The following SCN7A variants were observed in gnomAD, a reference collection of about 807,000 sequenced individuals.
SCN7A encodes sodium voltage-gated channel alpha subunit 7.
SCN7A carries 138 observed loss-of-function variants against 155.2 expected under a neutral mutation model. The observed-to-expected ratio is 0.89, with a 90% CI of 0.77 to 1.02. The LOEUF is 1.02. Ranked by LOEUF, SCN7A falls within the 50% of genes least tolerant of loss-of-function variation. SCN7A has a pLI of 0.00. For synonymous variants in SCN7A, 693 were observed against 649.0 expected (o/e 1.07, Z -1.03); for missense variants, 2,058 against 1,986.6 (o/e 1.04, Z -0.68).
At chr2:166,413,386 ATAAT>A (rs1388593439) in intron 21 of SCN7A, among the ~76,000 whole-genome samples, 2 of 152,120 alleles carry the variant, frequency 1.3e-5, no homozygotes, top group African/African-American at 4.8e-5. Context: ...TAAATGGTAA[ATAAT>A]TACATGCGGC....
At chr2:166,464,091 A>G (rs1239342194) in intron 9 of SCN7A, among the ~76,000 whole-genome samples, 1 of 151,734 alleles carries the variant, frequency 6.6e-6, no homozygotes, top group Non-Finnish European at 1.5e-5. Context: ...ACATATATAT[A>G]TGTATATATA....
At chr2:166,475,104 G>GTATATATA (rs370064873) in intron 3 of SCN7A, among the ~76,000 whole-genome samples, 27 of 85,970 alleles carry the variant, frequency 3.1e-4, no homozygotes, top group Admixed American at 7.8e-4. Context: ...ACATATATAT[G>GTATATATA]TATATATATA....
At chr2:166,459,385 A>C (rs540292021) in intron 10 of SCN7A, among the ~76,000 whole-genome samples, 2 of 152,296 alleles carry the variant, frequency 1.3e-5, no homozygotes, top group African/African-American at 4.8e-5. Context: ...AACATTATAC[A>C]CAAAGATCTT....
chr2:166,484,138 C>A (rs1702992457), intron 2 of SCN7A, among the ~76,000 whole-genome samples: 1 of 151,868 alleles, frequency 6.6e-6, no homozygotes, highest in Non-Finnish European at 1.5e-5. Context: ...ATAATGGGTT[C>A]TCACAGTGAA....
At chr2:166,442,581 C>G (rs1430799349) in intron 14 of SCN7A, among the ~76,000 whole-genome samples, 1 of 151,842 alleles carries the variant, frequency 6.6e-6, no homozygotes, top group Non-Finnish European at 1.5e-5. Flanking sequence ...GAATTGGAGT[C>G]TCACTATGTT....
chr2:166,437,673 C>G (rs1295816970), intron 15 of SCN7A, among the ~76,000 whole-genome samples: 1 of 152,200 alleles, frequency 6.6e-6, no homozygotes, highest in Non-Finnish European at 1.5e-5. Flanking sequence ...AGGGATGGAG[C>G]TATCCAAGGC....
At chr2:166,458,558 C>A (rs144498041) in intron 10 of SCN7A, among the ~76,000 whole-genome samples, 50 of 152,254 alleles carry the variant, frequency 3.3e-4, no homozygotes, top group Non-Finnish European at 6.5e-4. Context: ...CAATGACCAG[C>A]AGCATATACA....
At chr2:166,490,681 T>TA (rs1162007515) in intron 1 of SCN7A, among the ~76,000 whole-genome samples, 2 of 152,130 alleles carry the variant, frequency 1.3e-5, no homozygotes, top group Non-Finnish European at 2.9e-5. Context: ...TTTTCTGAAT[T>TA]AAAAAAATCT....
chr2:166,456,981 A>T lies in SCN7A; in HGVS notation c.1179T>A (p.Leu393=), dbSNP rs772829291. 1 of 1,608,030 alleles carries T rather than the reference A, an allele frequency of 6.2e-7. No individual in the cohort carries two copies. Among genetic ancestry groups the T allele is most frequent in the East Asian group, 2.2e-5 (1 of 44,700 alleles). Residue 393 remains leucine, a synonymous_variant, in exon 11 of 26, where the codon CTT becomes CTA. Transcript: ENST00000643258. The part of the protein sequence containing the change: ...FYMASLFLGI[L]AMAYEEEKQR... The stretch of plus-strand genomic sequence containing the variant: ...GCTTTTCTTCTTCATAGGCCATGGC[A>T]AGTATGCCTAAGAACAAACTTGCCA...
At chr2:166,472,140 A>G (rs1165544144) in intron 6 of SCN7A, among the ~76,000 whole-genome samples, 177 bp downstream of exon 6, 1 of 150,722 alleles carries the variant, frequency 6.6e-6, no homozygotes, top group African/African-American at 2.4e-5. Context: ...TTCTTATTGC[A>G]TCTTCTGAGG....
chr2:166,414,293 C>CACAT (rs1701306221), intron 21 of SCN7A, among the ~76,000 whole-genome samples: 1 of 42,094 alleles, frequency 2.4e-5, no homozygotes, highest in Non-Finnish European at 4.3e-5. Context: ...TATACACACA[C>CACAT]ATATATATAT....
chr2:166,477,458 C>T lies in SCN7A; in HGVS notation c.234+5G>A. 5 of 1,449,948 alleles carry T rather than the reference C, an allele frequency of 3.4e-6. No homozygotes were observed. Among genetic ancestry groups the T allele is most frequent in the Non-Finnish European group, 4.6e-6 (5 of 1,081,584 alleles). The allele number at this position is 1,449,948 out of a possible 1,614,324, so 89.8% of individuals were successfully genotyped here. On this transcript the variant is annotated splice_donor_5th_base_variant and intron_variant, in intron 3 of 25. Transcript: ENST00000643258. The stretch of plus-strand genomic sequence containing the variant: ...GTCATCAAAATAATCTCAATTAATA[C>T]TCACATTTTTTTTCTTGTAGTAATA...
At position 166,406,236 on chromosome 2, in the gene SCN7A, C is replaced by T. The variant is rs375357978; in HGVS notation, c.4393G>A (p.Asp1465Asn). Residue 1465 changes from aspartate to asparagine, a missense_variant, in exon 26 of 26, where the codon GAT becomes AAT. Transcript: ENST00000643258. The part of the protein sequence containing the change: ...KINPGTQVRG[D>N]CGNPSVGIFY... ...ATCCCAACAGAGGGGTTCCCACAAT[C>T]TCCTCTAACTTGAGTCCCAGGGTTA... The T allele has an allele frequency of 2.0e-5, 32 of 1,613,056 alleles. No individual in the cohort carries two copies. In the East Asian group the frequency reaches 3.1e-4, roughly 16 times the overall value.
At position 166,414,141 on chromosome 2, in the gene SCN7A, A is replaced by ATATATAATATAT. The variant is rs1553513659; in HGVS notation, c.3415-1021_3415-1020insATATATTATATA. Among the ~76,000 whole-genome samples, 123 of 65,004 alleles carry ATATATAATATAT rather than the reference A, an allele frequency of 1.9e-3. 3 individuals carry two copies. The highest frequency in any genetic ancestry group is 2.0e-3 in the Non-Finnish European group (75 of 36,614). The allele number at this position is 65,004 out of a possible 152,430, so 42.6% of individuals were successfully genotyped here. On this transcript the variant is annotated intron_variant, in intron 21 of 25. Coordinates refer to ENST00000643258, the MANE Select transcript of SCN7A (RefSeq NM_002976.4). ...TATATAATATATTATATATATGTAA[A>ATATATAATATAT]TATATATAAATATATATAATATATT...
At chr2:166,425,884 T>A (rs191868453) in intron 18 of SCN7A, among the ~76,000 whole-genome samples, 40 of 152,230 alleles carry the variant, frequency 2.6e-4, no homozygotes, top group African/African-American at 9.6e-4. Context: ...TTGAGGACCA[T>A]TTATCAGCCT....
chr2:166,412,751 C>A, intron 22 of SCN7A, 84 bp from the exon 23 acceptor site: 3 of 1,421,118 alleles, frequency 2.1e-6, no homozygotes, highest in South Asian at 1.6e-5. Context: ...AAAACAATAA[C>A]AAAACAAGCA....
At position 166,403,760 on chromosome 2, in the gene SCN7A, G is replaced by A. The variant is rs1046321797; in HGVS notation, c.*1820C>T. On this transcript the variant is annotated 3_prime_UTR_variant, in exon 26 of 26. Coordinates refer to ENST00000643258, the MANE Select transcript of SCN7A (RefSeq NM_002976.4). ...GTCTTTACGCAATTTACAGAAGCAAGTTATGATTCAATTTAAGTATCTGAA... is the reference window on the plus strand; with the variant it reads ...GTCTTTACGCAATTTACAGAAGCAAATTATGATTCAATTTAAGTATCTGAA... 1.2e-4 allele frequency: 18 copies of A among 151,916 alleles called. No homozygotes were observed. The highest frequency in any genetic ancestry group is 3.9e-4 in the African/African-American group (16 of 41,402). The allele number at this position is 151,916 out of a possible 1,614,324, so 9.4% of individuals were successfully genotyped here. A position where few individuals can be genotyped will look rare whatever the true frequency, so the allele number is the denominator to read the frequency against.
chr2:166,443,787 C>T, intron 13 of SCN7A, 111 bp from the exon 14 acceptor site: 1 of 747,052 alleles, frequency 1.3e-6, no homozygotes, highest in Non-Finnish European at 2.1e-6. Context: ...TCACATTCTT[C>T]ACAGCTTCTC....
chr2:166,411,119 T>C (rs903247111), intron 23 of SCN7A, among the ~76,000 whole-genome samples: 23 of 152,214 alleles, frequency 1.5e-4, no homozygotes, highest in African/African-American at 5.5e-4. Flanking sequence ...TCAAGAGTGA[T>C]TGATATACAG....
Sources: allele counts gnomAD v4.1 joint callset (sites outside exome capture counted in the v4.1 genomes callset), GRCh38; gene constraint gnomAD v4.1.1; transcripts MANE v1.5; gene names NCBI Gene and HGNC (gene_info 2026-07-23, HGNC 2026-07-21).